F5: variants seen among roughly 807,000 people sequenced by gnomAD.
F5 encodes activated protein c cofactor.
Under a neutral mutation model 216.4 loss-of-function variants are expected in F5, and 138 were observed. The observed-to-expected ratio is 0.64, with a 90% confidence interval of 0.56 to 0.73. The LOEUF (loss-of-function observed/expected upper bound fraction) is 0.73, where lower values mean the gene tolerates loss of function less well. Among genes scored for constraint, F5 ranks in the 30% least tolerant of loss-of-function variants. The pLI is 0.00. For synonymous variants in F5, 916 were observed against 930.7 expected (o/e 0.98, Z 0.29); for missense variants, 2,403 against 2,674.0 (o/e 0.90, Z 2.24).
In F5 at chr1:169,562,214, C is replaced by G. The variant is rs369422967; in HGVS notation, c.374-1448G>C. ...GTAGCCAATGCCCTCTGGGCCCAGA[C>G]AACCACTAATCTGCTTTATTTCACT... On this transcript the variant is annotated intron_variant, in intron 3 of 24. Transcript: ENST00000367797. Among the ~76,000 whole-genome samples the G allele has an allele frequency of 7.2e-5, 11 of 152,238 alleles. No individual in the cohort carries two copies. In the East Asian group the frequency reaches 1.9e-3, roughly 27 times the overall value.
intron 14 of F5, among the ~76,000 whole-genome samples, chr1:169,535,583 C>T (rs893642900): frequency 1.3e-5 from 2 of 152,130 alleles, no homozygotes; most frequent in African/African-American, 4.8e-5. Context: ...TGTCTGCCTT[C>T]GCATACCCGC....
rs1271569470 is a variant in F5, at chr1:169,513,164, T to G, written c.*1149A>C. ...ATTTCGTTGATAAAATTTTATATAT[T>G]TATGGTATACATAACATTTTGATAT... On this transcript the variant is annotated 3_prime_UTR_variant, in exon 25 of 25. Transcript: ENST00000367797. Among the ~76,000 whole-genome samples the G allele has an allele frequency of 1.3e-5, 2 of 152,038 alleles. No individual in the cohort carries two copies.
intron 14 of F5, 127 bp from the exon 15 acceptor site, chr1:169,531,149 T>G (rs1018033163): frequency 2.8e-6 from 2 of 709,934 alleles, no homozygotes; most frequent in Non-Finnish European, 4.9e-6. Flanking sequence ...ACAAAATAAC[T>G]TATGTATATT....
At chr1:169,526,745 C>T (rs1264014494) in intron 17 of F5, among the ~76,000 whole-genome samples, 3 of 152,098 alleles carry the variant, frequency 2.0e-5, no homozygotes, top group Non-Finnish European at 4.4e-5. Flanking sequence ...CCAATCCTAG[C>T]TTCTCAGTCT....
rs533947082 is a variant in F5, at chr1:169,546,569, C to G, written c.1635G>C (p.Gln545His). The G allele has an allele frequency of 1.7e-5, 27 of 1,614,102 alleles. No individual in the cohort carries two copies. The South Asian group carries it at 2.5e-4, about 15-fold the overall frequency. Residue 545 changes from glutamine to histidine, a missense_variant, in exon 11 of 25, where the codon CAG becomes CAC. Gln to His is a conservative substitution (Grantham distance 24). This residue lies in a region of F5 where 1,425 missense variants were observed against 1,554.8 expected (regional missense o/e 0.92). Transcript: ENST00000367797. ...TCTCATCAAACACAGCAAACACAGC[C>G]TGCTGTTCGATGTCTGCTGCCCTCT... Reference protein sequence around the residue: ...GIQRAADIEQQAVFAVFDENK... With the variant: ...GIQRAADIEQHAVFAVFDENK...
chr1:169,566,121 A>G (rs531153741), intron 3 of F5, among the ~76,000 whole-genome samples: 1 of 152,164 alleles, frequency 6.6e-6, no homozygotes, highest in East Asian at 1.9e-4. Flanking sequence ...TTGTCTATTA[A>G]CTGAAATTAG....
At position 169,536,260 on chromosome 1, in the gene F5, A is replaced by G. The variant is rs77390167; in HGVS notation, c.4971+246T>C. Among the ~76,000 whole-genome samples the G allele has an allele frequency of 8.2e-3, 1,253 of 152,298 alleles. 9 individuals are homozygous for G. Among genetic ancestry groups the G allele is most frequent in the Non-Finnish European group, 0.013 (917 of 68,018 alleles). On this transcript the variant is annotated intron_variant, in intron 14 of 24. Coordinates refer to ENST00000367797, the MANE Select transcript of F5 (RefSeq NM_000130.5). ...AACTTTAGATAGGTTAGCTTTAGAT[A>G]GAAATTACAGAAAGATTTTCCACAG... is the stretch of plus-strand genomic sequence containing the variant.
intron 2 of F5, among the ~76,000 whole-genome samples, chr1:169,580,758 A>G (rs1308800962): frequency 1.3e-5 from 2 of 152,212 alleles, no homozygotes; most frequent in African/African-American, 4.8e-5. Flanking sequence ...ACATGTGAAG[A>G]CTATATAAAT....
Position 169,527,897 on chromosome 1 carries a change from C to T in F5, c.5599+18G>A, listed in dbSNP as rs945071134. 1.9e-6 allele frequency: 3 copies of T among 1,612,540 alleles called. No homozygotes were observed. The highest frequency in any genetic ancestry group is 8.5e-7 in the Non-Finnish European group (1 of 1,179,554). Reference sequence around the variant, plus strand: ...TGTATTTCTTAGCAGGGACCTCTTCCCATTACCCAATCTTTACCAGGCAGA... The same window carrying T: ...TGTATTTCTTAGCAGGGACCTCTTCTCATTACCCAATCTTTACCAGGCAGA... On this transcript the variant is annotated intron_variant, in intron 17 of 24. Transcript: ENST00000367797.
chr1:169,547,803 T>G (rs1292974246), intron 10 of F5, among the ~76,000 whole-genome samples: 1 of 151,966 alleles, frequency 6.6e-6, no homozygotes, highest in Non-Finnish European at 1.5e-5. Context: ...AGACCTAAAG[T>G]CAGAAATACC....
At position 169,529,699 on chromosome 1, in the gene F5, A is replaced by C; in HGVS notation, c.5328T>G (p.Phe1776Leu). Reference sequence around the variant, plus strand: ...CATAGTACCAGCTCTTCTTTTCATCAAAGGTCATAAATAGTAAGACAAATT... The same window carrying C: ...CATAGTACCAGCTCTTCTTTTCATCCAAGGTCATAAATAGTAAGACAAATT... Reference protein sequence around the residue: ...MREFVLLFMTFDEKKSWYYEK... With the variant: ...MREFVLLFMTLDEKKSWYYEK... The change falls in exon 16 of 25, where the codon TTT becomes TTG. Residue 1776 changes from phenylalanine to leucine, a missense_variant. By Grantham distance (22) the Phe-to-Leu change is conservative. Transcript: ENST00000367797. 1 of 1,613,848 alleles carries C rather than the reference A, an allele frequency of 6.2e-7. No individual in the cohort carries two copies. Among genetic ancestry groups the C allele is most frequent in the Non-Finnish European group, 8.5e-7 (1 of 1,179,806 alleles).
At chr1:169,556,942 A>C (rs1660346461) in intron 5 of F5, 75 bp from the exon 6 acceptor site, 1 of 1,298,976 alleles carries the variant, frequency 7.7e-7, no homozygotes, top group African/African-American at 1.4e-5. Context: ...TCACTCACCA[A>C]GTGTATTGAG....
chr1:169,534,563 G>A (rs1157326382), intron 14 of F5, among the ~76,000 whole-genome samples: 1 of 151,884 alleles, frequency 6.6e-6, no homozygotes, highest in Non-Finnish European at 1.5e-5. Flanking sequence ...AGCTACTCGG[G>A]AGGCTGAGGC....
intron 3 of F5, among the ~76,000 whole-genome samples, chr1:169,563,674 T>G (rs1225547440): frequency 6.6e-6 from 1 of 152,096 alleles, no homozygotes; most frequent in South Asian, 2.1e-4. Context: ...TTTTTTACCT[T>G]TCTTTTCTAT....
chr1:169,568,992 G>T (rs1660668059), intron 3 of F5, among the ~76,000 whole-genome samples: 1 of 152,056 alleles, frequency 6.6e-6, no homozygotes, highest in Non-Finnish European at 1.5e-5. Context: ...TGTAGGCAAT[G>T]GGCGAATCAA....
rs748606625 is a variant in F5, at chr1:169,519,102, T to C, written c.6194-539A>G. ...TTTCCAAGGTGTAATTTGAATATCA[T>C]AGGCAGCAAGGCAGACCTGTGACTG... On this transcript the variant is annotated intron_variant, in intron 22 of 24. Coordinates refer to ENST00000367797, the MANE Select transcript of F5 (RefSeq NM_000130.5). Among the ~76,000 whole-genome samples the C allele has an allele frequency of 2.0e-5, 3 of 152,192 alleles. No individual in the cohort carries two copies. The East Asian group carries it at 5.8e-4, about 29-fold the overall frequency.
intron 3 of F5, among the ~76,000 whole-genome samples, chr1:169,564,480 C>T (rs1352959632): frequency 6.6e-6 from 1 of 151,994 alleles, no homozygotes; most frequent in Non-Finnish European, 1.5e-5. Context: ...AGCTTAGGTG[C>T]TCATAGGGCA....
chr1:169,560,854 G>T, intron 3 of F5, 88 bp from the exon 4 acceptor site: 2 of 1,145,132 alleles, frequency 1.7e-6, no homozygotes, highest in Non-Finnish European at 2.6e-6. Flanking sequence ...GCTAAGATGA[G>T]TTCTCTGGAG....
chr1:169,546,856 GCGGTGGCTCA>G (rs1660016655), intron 10 of F5, among the ~76,000 whole-genome samples: 6 of 152,004 alleles, frequency 3.9e-5, no homozygotes, highest in African/African-American at 1.4e-4. Flanking sequence ...TAGGCCTGGC[GCGGTGGCTCA>G]CGCCTGTAAT....
Sources: gnomAD v4.1 joint callset for allele counts (sites outside exome capture counted in the v4.1 genomes callset) on GRCh38, gnomAD v4.1.1 for gene constraint, gnomAD v4.1.1 regional missense constraint, MANE v1.5 for transcripts, NCBI Gene and HGNC (gene_info 2026-07-23, HGNC 2026-07-21) for gene names.